The following PATJ variants were observed in gnomAD, a reference collection of about 807,000 sequenced individuals.
PATJ encodes inaD-like protein.
In PATJ, 190 loss-of-function variants were observed where a neutral mutation model predicts 224.9. That is an observed-to-expected ratio of 0.84 (90% confidence interval 0.75 to 0.95). PATJ has a LOEUF of 0.95. Ranked by LOEUF, PATJ falls within the 40% of genes least tolerant of loss-of-function variation. The pLI, the probability that PATJ is intolerant of heterozygous loss-of-function variation, is 0.00. For missense variants in PATJ, 2,121 were observed against 2,270.3 expected (o/e 0.93, Z 1.34); for synonymous variants, 769 against 820.3 (o/e 0.94, Z 1.07).
chr1:61,916,879 G>C (rs1451093317), intron 26 of PATJ, among the ~76,000 whole-genome samples: 1 of 152,190 alleles, frequency 6.6e-6, no homozygotes, highest in Non-Finnish European at 1.5e-5. Flanking sequence ...CTGTCCTCTT[G>C]TGCTGAGTCA....
chr1:61,911,522 C>T (rs1290428991), intron 25 of PATJ, among the ~76,000 whole-genome samples: 3 of 151,878 alleles, frequency 2.0e-5, no homozygotes, highest in African/African-American at 7.3e-5. Flanking sequence ...ATCTTCTTAC[C>T]CTGACTTTCT....
In PATJ at chr1:61,856,209, A is replaced by G. The variant is rs1481292911; in HGVS notation, c.2292A>G (p.Leu764=). The G allele has an allele frequency of 3.1e-6, 5 of 1,614,038 alleles. No individual in the cohort carries two copies. In the African/African-American group the frequency reaches 5.3e-5, roughly 17 times the overall value. The stretch of plus-strand genomic sequence containing the variant: ...TATTGAAAGCTGTGCCACCAGGCCT[A>G]GTACACCTTGGCATCTGTAAGCCTT... ...VEILKAVPPG[L]VHLGICKPLV... The change falls in exon 18 of 44, where the codon CTA becomes CTG. Residue 764 remains leucine, a synonymous_variant. Transcript: ENST00000642238.
chr1:61,830,829 T>G (rs181370290), intron 16 of PATJ, among the ~76,000 whole-genome samples: 1 of 152,178 alleles, frequency 6.6e-6, no homozygotes, highest in Non-Finnish European at 1.5e-5. Flanking sequence ...GCTACCCATA[T>G]GCCGAAGATT....
intron 27 of PATJ, among the ~76,000 whole-genome samples, chr1:61,947,472 A>C (rs1172497931): frequency 6.6e-6 from 1 of 152,210 alleles, no homozygotes; most frequent in Admixed American, 6.5e-5. Flanking sequence ...CAATTGCTAC[A>C]AAGAGAATAA....
intron 29 of PATJ, among the ~76,000 whole-genome samples, chr1:62,020,967 A>G (rs2148406013): frequency 6.6e-6 from 1 of 152,088 alleles, no homozygotes; most frequent in African/African-American, 2.4e-5. Flanking sequence ...CTGGGACTAC[A>G]GGTGTGTACC....
intron 27 of PATJ, among the ~76,000 whole-genome samples, chr1:61,976,850 T>G (rs1644162826): frequency 6.6e-6 from 1 of 152,092 alleles, no homozygotes; most frequent in African/African-American, 2.4e-5. Context: ...TTATATTTTC[T>G]TTTATTTTTC....
Position 62,104,977 on chromosome 1 carries a change from A to G in PATJ, c.4378-3460A>G, listed in dbSNP as rs368518094. Reference sequence around the variant, plus strand: ...AGTGCTGGGATTATAGGCGTGAGCCACTATGCCCAGCCTTCACTAATAACT... The same window carrying G: ...AGTGCTGGGATTATAGGCGTGAGCCGCTATGCCCAGCCTTCACTAATAACT... On this transcript the variant is annotated intron_variant, in intron 33 of 43. Coordinates refer to ENST00000642238, the MANE Select transcript of PATJ (RefSeq NM_001350145.3). 1.4e-4 allele frequency among the ~76,000 whole-genome samples: 21 copies of G among 152,350 alleles called. No homozygotes were observed. In the South Asian group the frequency reaches 4.1e-3, roughly 30 times the overall value.
chr1:62,054,234 G>C (rs959789174), intron 31 of PATJ: 4 of 215,804 alleles, frequency 1.9e-5, no homozygotes, highest in African/African-American at 9.3e-5. Context: ...GTGGTGACAA[G>C]CACCTGTAGT....
chr1:62,103,773 A>G (rs970985427), intron 33 of PATJ, among the ~76,000 whole-genome samples: 4 of 151,736 alleles, frequency 2.6e-5, no homozygotes, highest in African/African-American at 7.3e-5. Context: ...AAAAAAAAAA[A>G]GCAATCTATC....
chr1:62,073,338 C>T, intron 31 of PATJ: 5 of 984,850 alleles, frequency 5.1e-6, no homozygotes, highest in Non-Finnish European at 6.0e-6. Flanking sequence ...AAAGGGCATC[C>T]CTGGCTGGGC....
intron 20 of PATJ, among the ~76,000 whole-genome samples, chr1:61,868,022 T>G (rs1049324245): frequency 6.6e-6 from 1 of 152,200 alleles, no homozygotes; most frequent in African/African-American, 2.4e-5. Flanking sequence ...GCTATATTTG[T>G]GGAGGGCAAA....
intron 33 of PATJ, among the ~76,000 whole-genome samples, chr1:62,085,931 G>T (rs532090301): frequency 8.5e-4 from 129 of 151,040 alleles, no homozygotes; most frequent in African/African-American, 3.0e-3. Flanking sequence ...TTTAGAAGTC[G>T]GTGTAGAATA....
chr1:62,130,875 C>T (rs901395434), intron 41 of PATJ, among the ~76,000 whole-genome samples: 4 of 151,968 alleles, frequency 2.6e-5, no homozygotes, highest in Admixed American at 6.6e-5. Context: ...AAAACCATTA[C>T]ATTTGGGAGA....
At chr1:61,797,157 A>G in intron 10 of PATJ, 130 bp from the exon 11 acceptor site, 1 of 1,030,562 alleles carries the variant, frequency 9.7e-7, no homozygotes, top group Non-Finnish European at 1.4e-6. Flanking sequence ...TACAGGCGTG[A>G]GCCACCACAC....
chr1:61,771,303 T>C (rs992230588), intron 5 of PATJ, 128 bp from the exon 6 acceptor site: 9 of 529,046 alleles, frequency 1.7e-5, no homozygotes, highest in Non-Finnish European at 3.0e-5. Context: ...GTTATATAAT[T>C]AAATAATTTA....
chr1:62,116,503 A>G (rs1426639570), intron 35 of PATJ, 29 bp from the exon 36 acceptor site: 1 of 1,611,622 alleles, frequency 6.2e-7, no homozygotes, highest in Admixed American at 1.7e-5. Context: ...AGGTTGTGCC[A>G]ATACTGCACT....
In PATJ at chr1:62,116,517, G is replaced by T. The variant is rs1367836007; in HGVS notation, c.4656-15G>T. ...TAGGTTGTGCCAATACTGCACTGCTGTATGGTATTAACAGAAATGGAAGCG... is the reference window on the plus strand; with the variant it reads ...TAGGTTGTGCCAATACTGCACTGCTTTATGGTATTAACAGAAATGGAAGCG... On this transcript the variant is annotated splice_polypyrimidine_tract_variant and intron_variant, in intron 35 of 43. Coordinates refer to ENST00000642238, the MANE Select transcript of PATJ (RefSeq NM_001350145.3). 2 of 1,613,584 alleles carry T rather than the reference G, an allele frequency of 1.2e-6. No individual in the cohort carries two copies. Among genetic ancestry groups the T allele is most frequent in the Non-Finnish European group, 1.7e-6 (2 of 1,179,812 alleles).
At chr1:62,107,253 C>T (rs1273458208) in intron 33 of PATJ, among the ~76,000 whole-genome samples, 1 of 151,530 alleles carries the variant, frequency 6.6e-6, no homozygotes, top group Non-Finnish European at 1.5e-5. Context: ...TTGCAGTGAG[C>T]CAAGATGGCA....
At chr1:61,862,207 TG>T (rs1431466151) in intron 19 of PATJ, among the ~76,000 whole-genome samples, 2 of 152,022 alleles carry the variant, frequency 1.3e-5, no homozygotes, top group Non-Finnish European at 2.9e-5. Flanking sequence ...GTTGTTATTT[TG>T]TTTTTTTTGA....
Sources: allele counts gnomAD v4.1 joint callset (sites outside exome capture counted in the v4.1 genomes callset), GRCh38; gene constraint gnomAD v4.1.1; transcripts MANE v1.5; gene names NCBI Gene and HGNC (gene_info 2026-07-23, HGNC 2026-07-21).